The following KYAT3 variants were observed in gnomAD, a reference collection of about 807,000 sequenced individuals.
KYAT3 encodes kynurenine aminotransferase 3.
In KYAT3, 50 loss-of-function variants were observed where a neutral mutation model predicts 59.0. That is an observed-to-expected ratio of 0.85 (90% CI 0.68 to 1.07). The LOEUF is 1.07. Ranked by LOEUF, KYAT3 falls within the 50% of genes least tolerant of loss-of-function variation. KYAT3 has a pLI of 0.00. For missense variants in KYAT3, 497 were observed against 533.3 expected, an observed-to-expected ratio of 0.93 and a Z score of 0.67; for synonymous variants, 148 against 177.0, an observed-to-expected ratio of 0.84 and a Z score of 1.30.
chr1:88,948,775 A>G (rs915097491), intron 11 of KYAT3, among the ~76,000 whole-genome samples: 7 of 152,244 alleles, frequency 4.6e-5, no homozygotes, highest in African/African-American at 1.7e-4. Context: ...TTTTACTCAA[A>G]TGAACACTGA....
At chr1:88,932,009 T>C (rs970256481), downstream of KYAT3, among the ~76,000 whole-genome samples, 3 of 149,852 alleles carry the variant, frequency 2.0e-5, no homozygotes, top group Admixed American at 6.7e-5. Flanking sequence ...GAGTTTCCCA[T>C]GGTAATCTTA....
intron 13 of KYAT3, 144 bp downstream of exon 13, chr1:88,942,861 C>G (rs1464924727): frequency 1.5e-6 from 1 of 654,630 alleles, no homozygotes; most frequent in Non-Finnish European, 2.7e-6. Context: ...CACGCCCAGC[C>G]AGTAAGCAGT....
chr1:88,984,174 G>T, intron 2 of KYAT3: 8 of 161,674 alleles, frequency 4.9e-5, no homozygotes, highest in South Asian at 3.1e-4. Flanking sequence ...TCAAAAGTGT[G>T]TATAATTAAC....
chr1:88,977,986 T>G (rs1676872461), intron 2 of KYAT3, among the ~76,000 whole-genome samples: 1 of 152,204 alleles, frequency 6.6e-6, no homozygotes, highest in Non-Finnish European at 1.5e-5. Flanking sequence ...CATCTAGGTT[T>G]GTGTAAGTGC....
At chr1:88,939,209 CATA>C (rs1166661503) in intron 13 of KYAT3, among the ~76,000 whole-genome samples, 2 of 152,162 alleles carry the variant, frequency 1.3e-5, no homozygotes, top group Admixed American at 6.5e-5. Context: ...GGATCTTACC[CATA>C]ATATTATAAA....
chr1:88,937,205 T>C (rs915746456), intron 13 of KYAT3, among the ~76,000 whole-genome samples: 6 of 152,072 alleles, frequency 3.9e-5, no homozygotes, highest in African/African-American at 1.2e-4. Context: ...GTATGGGGTA[T>C]TGGAGACCTA....
chr1:88,966,931 A>G (rs1054535117), intron 4 of KYAT3, among the ~76,000 whole-genome samples: 1 of 152,124 alleles, frequency 6.6e-6, no homozygotes, highest in Non-Finnish European at 1.5e-5. Flanking sequence ...TTTTCTATAT[A>G]TACTACATAA....
the KYAT3 span, among the ~76,000 whole-genome samples, chr1:88,930,501 T>G: frequency 6.6e-6 from 1 of 152,064 alleles, no homozygotes; most frequent in Non-Finnish European, 1.5e-5. Flanking sequence ...CACCTCAACT[T>G]GTATACTGAT....
chr1:88,969,511 T>C, intron 2 of KYAT3, 44 bp from the exon 3 acceptor site: 2 of 1,098,882 alleles, frequency 1.8e-6, no homozygotes, highest in Non-Finnish European at 2.8e-6. Context: ...TAGTCAAAAT[T>C]TTAAAAGCCA....
At chr1:88,952,169 G>A (rs116813044) in intron 10 of KYAT3, among the ~76,000 whole-genome samples, 73 of 152,326 alleles carry the variant, frequency 4.8e-4, no homozygotes, top group Admixed American at 2.5e-3. Context: ...TATAGCACCA[G>A]TAGGAAACTT....
intron 2 of KYAT3, chr1:88,983,492 C>T (rs751698020): frequency 3.1e-6 from 5 of 1,614,046 alleles, no homozygotes; most frequent in African/African-American, 1.3e-5. Flanking sequence ...TCCTCCTCTT[C>T]CAGCTCCAAA....
At chr1:88,928,476 T>C in the KYAT3 span, among the ~76,000 whole-genome samples, 4 of 152,104 alleles carry the variant, frequency 2.6e-5, no homozygotes, top group Non-Finnish European at 1.5e-5. Context: ...CGAATGCTAA[T>C]AGGGCTTGCT....
chr1:88,959,403 C>G (rs1271936353), intron 8 of KYAT3, among the ~76,000 whole-genome samples: 3 of 151,620 alleles, frequency 2.0e-5, no homozygotes, highest in Non-Finnish European at 4.4e-5. Context: ...ACGGTGAAAC[C>G]CCATCTCTAC....
intron 5 of KYAT3, among the ~76,000 whole-genome samples, chr1:88,964,097 G>GAGA (rs1676249255): frequency 6.6e-6 from 1 of 152,174 alleles, no homozygotes; most frequent in East Asian, 1.9e-4. Context: ...CAGCTACTCA[G>GAGA]TAGGCTGAGG....
rs1676282780 is a variant in KYAT3 at position 88,964,878 on chromosome 1, T to G, written c.404A>C (p.Tyr135Ser). The change falls in exon 5 of 14, where the codon TAT (tyrosine) becomes TCT (serine). Residue 135 changes from tyrosine (Y) to serine (S), a missense_variant. Transcript: ENST00000260508. ...TTGAATGGTGTTAAAAAGAGATCCA[T>G]ATGCTCCTACTGTCACAAGGATTTC... The part of the protein sequence containing the change: ...NKEILVTVGA[Y>S]GSLFNTIQAL... 3 of 1,608,232 alleles carry G rather than the reference T, an allele frequency of 1.9e-6. No homozygotes were observed. The South Asian group carries it at 3.4e-5, about 18-fold the overall frequency.
Position 88,936,122 on chromosome 1 carries a change from G to T in KYAT3, c.*61C>A. On this transcript the variant is annotated 3_prime_UTR_variant, in exon 14 of 14. Transcript: ENST00000260508. ...ACCTTTTAACATCCAGCAGGTGGCAGCACTAAGTAACAATTCCATACTAGG... is the reference window on the plus strand; with the variant it reads ...ACCTTTTAACATCCAGCAGGTGGCATCACTAAGTAACAATTCCATACTAGG... 9.5e-7 allele frequency: 1 copy of T among 1,056,798 alleles called. No individual in the cohort carries two copies. Among genetic ancestry groups the T allele is most frequent in the South Asian group, 1.5e-5 (1 of 66,722 alleles). The allele number at this position is 1,056,798 out of a possible 1,614,324, so 65.5% of individuals were successfully genotyped here. A position where few individuals can be genotyped will look rare whatever the true frequency, so the allele number is the denominator to read the frequency against.
At chr1:88,961,584 GA>G (rs1354752417) in intron 6 of KYAT3, 78 bp from the exon 7 acceptor site, 2 of 1,239,076 alleles carry the variant, frequency 1.6e-6, no homozygotes, top group East Asian at 4.9e-5. Flanking sequence ...ACCTAATAAG[GA>G]AAAAAACATC....
At chr1:88,992,718 T>G (rs1352675595), upstream of KYAT3, 2 of 152,232 alleles carry the variant, frequency 1.3e-5, no homozygotes, top group Non-Finnish European at 2.9e-5. Flanking sequence ...CAGTGCGCGC[T>G]TTGGCGGAGG....
At chr1:88,923,711 C>G in the KYAT3 span, 3 of 256,692 alleles carry the variant, frequency 1.2e-5, no homozygotes, top group Non-Finnish European at 2.2e-5. Context: ...GTTTGGATAT[C>G]CAAAGCTAGC....
Sources: gnomAD v4.1 joint callset for allele counts (sites outside exome capture counted in the v4.1 genomes callset) on GRCh38, gnomAD v4.1.1 for gene constraint, MANE v1.5 for transcripts, NCBI Gene and HGNC (gene_info 2026-07-23, HGNC 2026-07-21) for gene names.